Variants in DYNC2H1 observed in about 807,000 individuals in gnomAD.
DYNC2H1 encodes dynein cytoplasmic 2 heavy chain 1.
In DYNC2H1, 410 loss-of-function variants were observed where a neutral mutation model predicts 570.0. The observed-to-expected ratio is 0.72, with a 90% CI of 0.66 to 0.78. The LOEUF (loss-of-function observed/expected upper bound fraction) is 0.78, where lower values mean the gene tolerates loss of function less well. Among genes scored for constraint, DYNC2H1 ranks in the 30% least tolerant of loss-of-function variants. The probability of loss-of-function intolerance (pLI) is 0.00; values close to 1 mark genes in which losing one functional copy is unlikely to be tolerated. For synonymous variants in DYNC2H1, 1,688 were observed against 1,677.6 expected (o/e 1.01, Z -0.15); for missense variants, 4,865 against 5,046.4 (o/e 0.96, Z 1.09).
At chr11:103,253,180 G>A in intron 65 of DYNC2H1, 105 bp from the exon 66 acceptor site, 1 of 1,219,952 alleles carries the variant, frequency 8.2e-7, no homozygotes, top group Non-Finnish European at 1.1e-6. Context: ...CTTAGACTCT[G>A]TCGAAAAGCC....
Position 103,253,354 on chromosome 11 carries a change from C to G in DYNC2H1, c.10112C>G (p.Ser3371Ter), listed in dbSNP as rs1477266926. ...DYNEEFRLFL[S>*]TRNPNPFIPP... is the part of the protein sequence containing the mutation. ...AATGAAGAATTCCGCCTCTTTTTGTCAACAAGAAACCCAAATCCTTTTATT... is the reference window on the plus strand; with the variant it reads ...AATGAAGAATTCCGCCTCTTTTTGTGAACAAGAAACCCAAATCCTTTTATT... The change falls in exon 66 of 89, where the codon TCA becomes TGA. Residue 3371 changes from serine (S) to a stop codon, truncating the protein, a stop_gained. Coordinates refer to ENST00000375735, the MANE Select transcript of DYNC2H1 (RefSeq NM_001377.3). LOFTEE classifies it high-confidence loss of function. 1.2e-6 allele frequency: 2 copies of G among 1,613,132 alleles called. No individual in the cohort carries two copies. Among genetic ancestry groups the G allele is most frequent in the Admixed American group, 3.3e-5 (2 of 59,958 alleles).
chr11:103,250,817 T>G (rs1165016676), intron 65 of DYNC2H1, among the ~76,000 whole-genome samples: 1 of 152,090 alleles, frequency 6.6e-6, no homozygotes, highest in Non-Finnish European at 1.5e-5. Context: ...TTTTGTTGTT[T>G]AATTTTCAGG....
chr11:103,158,659 C>T lies in DYNC2H1; in HGVS notation c.4128-18C>T. 1 of 1,504,634 alleles carries T rather than the reference C, an allele frequency of 6.6e-7. No homozygotes were observed. The highest frequency in any genetic ancestry group is 8.9e-7 in the Non-Finnish European group (1 of 1,120,076). The allele number at this position is 1,504,634 out of a possible 1,614,324, so 93.2% of individuals were successfully genotyped here. On this transcript the variant is annotated intron_variant, in intron 26 of 88. Transcript: ENST00000375735. The stretch of plus-strand genomic sequence containing the variant: ...AATTGTTAAAGTAGATGTGAAGATA[C>T]TTTTTTTTCTTTTGTAGATCAATAA...
At chr11:103,436,981 C>T (rs11828719) in intron 85 of DYNC2H1, among the ~76,000 whole-genome samples, 45,117 of 151,888 alleles carry the variant, frequency 0.3, 6,779 homozygotes, top group South Asian at 0.35. Flanking sequence ...GGCTGCTGAG[C>T]GCTGCTACCG....
intron 83 of DYNC2H1, among the ~76,000 whole-genome samples, chr11:103,380,664 AATC>A (rs1941606756): frequency 6.6e-6 from 1 of 152,090 alleles, no homozygotes; most frequent in African/African-American, 2.4e-5. Flanking sequence ...AGGCTCAAGC[AATC>A]TTTCCAACCT....
At chr11:103,117,277 A>AAT (rs1260637088) in intron 5 of DYNC2H1, among the ~76,000 whole-genome samples, 2 of 146,490 alleles carry the variant, frequency 1.4e-5, no homozygotes, top group South Asian at 2.1e-4. Context: ...TATATTTTTT[A>AAT]ATATATATAT....
In DYNC2H1 at chr11:103,186,166, T is replaced by C; in HGVS notation, c.6634-76T>C. On this transcript the variant is annotated intron_variant, in intron 41 of 88. Coordinates refer to ENST00000375735, the MANE Select transcript of DYNC2H1 (RefSeq NM_001377.3). The surrounding 1 kb of genome is among the most constrained non-coding windows in gnomAD (Gnocchi z 4.5). ...GAACTAAGATGATTTACTTTTGGGATATTTACTTGGAAGAATTTTAAAATG... is the reference window on the plus strand; with the variant it reads ...GAACTAAGATGATTTACTTTTGGGACATTTACTTGGAAGAATTTTAAAATG... 7.2e-7 allele frequency: 1 copy of C among 1,398,406 alleles called. No homozygotes were observed. Among genetic ancestry groups the C allele is most frequent in the Non-Finnish European group, 9.6e-7 (1 of 1,041,120 alleles). 86.6% of individuals were successfully genotyped at this position (1,398,406 alleles called of 1,614,324 possible).
chr11:103,454,850 G>T (rs1410852243), intron 85 of DYNC2H1: 2 of 191,010 alleles, frequency 1.0e-5, no homozygotes, highest in African/African-American at 4.6e-5. Flanking sequence ...TTTTTAGTTA[G>T]GCCTGGATGC....
intron 10 of DYNC2H1, among the ~76,000 whole-genome samples, chr11:103,121,753 A>G (rs1858722867): frequency 6.6e-6 from 1 of 152,140 alleles, no homozygotes; most frequent in Non-Finnish European, 1.5e-5. Flanking sequence ...TCAGGAGGAA[A>G]ACATCCTTTA....
chr11:103,304,112 T>C (rs1262197355), intron 76 of DYNC2H1, among the ~76,000 whole-genome samples: 1 of 152,152 alleles, frequency 6.6e-6, no homozygotes, highest in African/African-American at 2.4e-5. Flanking sequence ...AATACATCTT[T>C]TTCACAGGGA....
At chr11:103,251,716 C>T (rs983505458) in intron 65 of DYNC2H1, among the ~76,000 whole-genome samples, 1 of 152,094 alleles carries the variant, frequency 6.6e-6, no homozygotes, top group Non-Finnish European at 1.5e-5. Context: ...CTACCTGCCC[C>T]TGGTAAATAC....
intron 55 of DYNC2H1, among the ~76,000 whole-genome samples, chr11:103,218,830 T>A (rs1166296948): frequency 6.6e-6 from 1 of 152,222 alleles, no homozygotes; most frequent in African/African-American, 2.4e-5. Flanking sequence ...AAGTTAATAA[T>A]TTTGCTTAAT....
chr11:103,161,382 A>G (rs930752857), intron 29 of DYNC2H1, among the ~76,000 whole-genome samples: 4 of 152,136 alleles, frequency 2.6e-5, no homozygotes, highest in African/African-American at 9.6e-5. Context: ...ATCTCAGTAC[A>G]GGTGGAGTAT....
intron 75 of DYNC2H1, among the ~76,000 whole-genome samples, chr11:103,297,840 T>C (rs1257665362): frequency 6.6e-6 from 1 of 152,142 alleles, no homozygotes; most frequent in Non-Finnish European, 1.5e-5. Flanking sequence ...ATACAAGCTA[T>C]CATCAGCTCT....
rs142525183 is a variant in DYNC2H1 at position 103,473,036 on chromosome 11, G to T, written c.12765+4331G>T. ...CTTCAACATTGTTTCAGTATGTGGT[G>T]ATACTTAAAAAAGGGTATCATCAAC... On this transcript the variant is annotated intron_variant, in intron 88 of 88. Transcript: ENST00000375735. 9.9e-5 allele frequency among the ~76,000 whole-genome samples: 15 copies of T among 152,160 alleles called. No individual in the cohort carries two copies. In the East Asian group the frequency reaches 2.9e-3, roughly 29 times the overall value.
In DYNC2H1 at chr11:103,186,261, A is replaced by T. The variant is rs766824355; in HGVS notation, c.6653A>T (p.Glu2218Val). The change falls in exon 42 of 89, where the codon GAA becomes GTA. Residue 2218 changes from glutamate (E) to valine (V), a missense_variant. By Grantham distance (121) the Glu-to-Val change is moderately radical (BLOSUM62 -2). Coordinates refer to ENST00000375735, the MANE Select transcript of DYNC2H1 (RefSeq NM_001377.3). This position sits in a 1 kb window ranked among gnomAD's most constrained non-coding sequence, Gnocchi z 4.5. ...FTKEVFHWAR[E>V]SPPDFHKPMD... ...CTTAAGGTTTTTCATTGGGCACGAG[A>T]ATCTCCTCCAGACTTTCACAAACCT... 6.8e-6 allele frequency: 11 copies of T among 1,611,148 alleles called. No individual in the cohort carries two copies. The highest frequency in any genetic ancestry group is 9.3e-6 in the Non-Finnish European group (11 of 1,178,144).
At chr11:103,183,388 A>G (rs1861933355) in intron 40 of DYNC2H1, among the ~76,000 whole-genome samples, 1 of 151,916 alleles carries the variant, frequency 6.6e-6, no homozygotes, top group Non-Finnish European at 1.5e-5. Flanking sequence ...GACTGTAGAA[A>G]TGACGACAGG....
intron 85 of DYNC2H1, among the ~76,000 whole-genome samples, chr11:103,445,025 G>A (rs1369552032): frequency 6.6e-6 from 1 of 152,190 alleles, no homozygotes; most frequent in African/African-American, 2.4e-5. Context: ...GGAGCAGCCT[G>A]ACCAGTTAAG....
Position 103,254,238 on chromosome 11 carries a change from C to T in DYNC2H1, c.10206+790C>T. On this transcript the variant is annotated intron_variant, in intron 66 of 88. Transcript: ENST00000375735. This position sits in a 1 kb window ranked among gnomAD's most constrained non-coding sequence, Gnocchi z 4.9. ...ACTTCTTTTAAATAAAACAATGTGACAATCATTCAAAACTTGGCAGAATTA... is the reference window on the plus strand; with the variant it reads ...ACTTCTTTTAAATAAAACAATGTGATAATCATTCAAAACTTGGCAGAATTA... 6.6e-6 allele frequency among the ~76,000 whole-genome samples: 1 copy of T among 152,112 alleles called. No homozygotes were observed. Among genetic ancestry groups the T allele is most frequent in the Non-Finnish European group, 1.5e-5 (1 of 68,000 alleles).
Sources: allele counts gnomAD v4.1 joint callset (sites outside exome capture counted in the v4.1 genomes callset), GRCh38; gene constraint gnomAD v4.1.1; non-coding constraint Gnocchi (gnomAD v3.1); transcripts MANE v1.5; gene names NCBI Gene and HGNC (gene_info 2026-07-23, HGNC 2026-07-21).